Variants in COX7B2 observed in about 807,000 individuals in gnomAD.
The protein encoded by COX7B2 is cytochrome c oxidase subunit 7B2.
For missense variants in COX7B2, 109 were observed against 95.9 expected (o/e 1.14, Z -0.57); for synonymous variants, 37 against 32.1 (o/e 1.15, Z -0.51).
At chr4:46,874,031 G>T (rs2109830666) in intron 1 of COX7B2, among the ~76,000 whole-genome samples, 1 of 152,264 alleles carries the variant, frequency 6.6e-6, no homozygotes, top group African/African-American at 2.4e-5. Flanking sequence ...GGGATTAAAA[G>T]ATCATGGACC....
intron 2 of COX7B2, among the ~76,000 whole-genome samples, chr4:46,758,690 A>G (rs1034466011): frequency 1.1e-4 from 16 of 152,282 alleles, no homozygotes; most frequent in African/African-American, 3.6e-4. Flanking sequence ...CTCAAAGTAG[A>G]AATTTAGTGA....
At chr4:46,853,751 ATTATAAAGTTAG>A in intron 1 of COX7B2, among the ~76,000 whole-genome samples, 1 of 152,224 alleles carries the variant, frequency 6.6e-6, no homozygotes, top group African/African-American at 2.4e-5. Flanking sequence ...TAGTACTATA[ATTATAAAGTTAG>A]TTATAGAAAG....
chr4:46,759,530 G>C (rs1034291381), intron 2 of COX7B2, among the ~76,000 whole-genome samples: 4 of 151,954 alleles, frequency 2.6e-5, no homozygotes, highest in Non-Finnish European at 4.4e-5. Context: ...CAAAAAGTGG[G>C]CAAAGGATAT....
At chr4:46,852,555 T>A (rs1277286142) in intron 1 of COX7B2, among the ~76,000 whole-genome samples, 1 of 148,838 alleles carries the variant, frequency 6.7e-6, no homozygotes, top group African/African-American at 2.5e-5. Flanking sequence ...TAAATATGAA[T>A]ACACAAATAC....
intron 2 of COX7B2, among the ~76,000 whole-genome samples, chr4:46,830,249 A>T (rs1019405257): frequency 2.0e-5 from 3 of 148,652 alleles, no homozygotes; most frequent in African/African-American, 7.4e-5. Flanking sequence ...GCTTGAACCC[A>T]GTATGTGGAG....
intron 2 of COX7B2, among the ~76,000 whole-genome samples, chr4:46,816,341 A>T (rs1719549976): frequency 6.6e-6 from 1 of 152,128 alleles, no homozygotes; most frequent in African/African-American, 2.4e-5. Context: ...TCGGCCTTGA[A>T]TGACCCCTCT....
chr4:46,781,143 G>C (rs1577697084), intron 2 of COX7B2, among the ~76,000 whole-genome samples: 1 of 152,190 alleles, frequency 6.6e-6, no homozygotes, highest in South Asian at 2.1e-4. Flanking sequence ...ACTATTAGAA[G>C]GTGGGCAGTA....
chr4:46,847,525 G>A (rs781489171), intron 1 of COX7B2, among the ~76,000 whole-genome samples: 30 of 152,060 alleles, frequency 2.0e-4, no homozygotes, highest in Admixed American at 5.2e-4. Flanking sequence ...CCTTGCAGAA[G>A]ACCCAGGTAA....
chr4:46,829,996 G>C (rs1714956489), intron 2 of COX7B2, among the ~76,000 whole-genome samples: 1 of 152,102 alleles, frequency 6.6e-6, no homozygotes, highest in African/African-American at 2.4e-5. Flanking sequence ...TCTCAAATTA[G>C]AGATAACAAG....
intron 1 of COX7B2, among the ~76,000 whole-genome samples, chr4:46,877,389 G>T (rs1212767933): frequency 1.3e-5 from 2 of 152,118 alleles, no homozygotes; most frequent in Non-Finnish European, 2.9e-5. Flanking sequence ...TAACATATTT[G>T]TCTTTCACTG....
At chr4:46,848,284 T>C (rs959747379) in intron 1 of COX7B2, among the ~76,000 whole-genome samples, 10 of 152,068 alleles carry the variant, frequency 6.6e-5, no homozygotes, top group Non-Finnish European at 1.0e-4. Flanking sequence ...TACCTATTTT[T>C]AAACTTTTCA....
intron 2 of COX7B2, among the ~76,000 whole-genome samples, chr4:46,785,193 A>C (rs150148620): frequency 1.8e-3 from 276 of 152,324 alleles, no homozygotes; most frequent in African/African-American, 6.1e-3. Context: ...CTGACAAATC[A>C]GTAGAACTAC....
intron 2 of COX7B2, among the ~76,000 whole-genome samples, chr4:46,783,247 C>G (rs972279309): frequency 3.3e-5 from 5 of 152,176 alleles, no homozygotes; most frequent in Non-Finnish European, 7.3e-5. Flanking sequence ...AGAAACCTTA[C>G]AGGCTGGAAA....
intron 2 of COX7B2, among the ~76,000 whole-genome samples, chr4:46,837,039 T>G (rs1715560653): frequency 6.6e-6 from 1 of 152,128 alleles, no homozygotes; most frequent in South Asian, 2.1e-4. Context: ...CACTTCATAT[T>G]TAAATACAGC....
chr4:46,893,446 G>T (rs557710964), intron 1 of COX7B2, among the ~76,000 whole-genome samples: 2 of 152,294 alleles, frequency 1.3e-5, no homozygotes, highest in South Asian at 2.1e-4. Flanking sequence ...TCTAAGGGCA[G>T]AAATGCCTCC....
chr4:46,738,979 A>G (rs1714540645), intron 2 of COX7B2, among the ~76,000 whole-genome samples: 1 of 152,108 alleles, frequency 6.6e-6, no homozygotes, highest in Non-Finnish European at 1.5e-5. Context: ...AAAATAACTA[A>G]TACTTGATCT....
At chr4:46,857,800 G>C (rs1399338220) in intron 1 of COX7B2, among the ~76,000 whole-genome samples, 1 of 152,096 alleles carries the variant, frequency 6.6e-6, no homozygotes, top group Non-Finnish European at 1.5e-5. Context: ...TCAATGAATG[G>C]GAGAAAAGAC....
chr4:46,742,702 G>A (rs901920833), intron 2 of COX7B2, among the ~76,000 whole-genome samples: 2 of 152,152 alleles, frequency 1.3e-5, no homozygotes, highest in African/African-American at 4.8e-5. Flanking sequence ...GCAGATTATA[G>A]CAGTGAATTG....
chr4:46,748,817 T>C (rs1715177447), intron 2 of COX7B2, among the ~76,000 whole-genome samples: 2 of 152,178 alleles, frequency 1.3e-5, no homozygotes, highest in African/African-American at 4.8e-5. Flanking sequence ...CAGGGTTCAC[T>C]CATAGGTTCT....
Sources: allele counts gnomAD v4.1 joint callset (sites outside exome capture counted in the v4.1 genomes callset), GRCh38; gene constraint gnomAD v4.1.1; transcripts MANE v1.5; gene names NCBI Gene and HGNC (gene_info 2026-07-23, HGNC 2026-07-21).